Variants in PARD3B observed in about 807,000 individuals in gnomAD.
PARD3B encodes par-3 family cell polarity regulator beta.
In PARD3B, 103 loss-of-function variants were observed where a neutral mutation model predicts 130.2. The observed-to-expected ratio is 0.79, with a 90% confidence interval of 0.67 to 0.93. PARD3B has a LOEUF of 0.93. PARD3B is among the 40% of genes least tolerant of loss of function. The pLI, the probability that PARD3B is intolerant of heterozygous loss-of-function variation, is 0.00. For synonymous variants in PARD3B, 583 were observed against 553.2 expected, an observed-to-expected ratio of 1.05 and a Z score of -0.76; for missense variants, 1,609 against 1,499.2, an observed-to-expected ratio of 1.07 and a Z score of -1.21.
chr2:205,131,174 GA>G (rs1353169728), intron 10 of PARD3B, among the ~76,000 whole-genome samples: 1 of 152,030 alleles, frequency 6.6e-6, no homozygotes, highest in African/African-American at 2.4e-5. Context: ...GATACTTAAG[GA>G]AAAATGAATA....
chr2:205,491,999 G>T (rs1299289447), intron 20 of PARD3B, among the ~76,000 whole-genome samples: 1 of 152,146 alleles, frequency 6.6e-6, no homozygotes, highest in African/African-American at 2.4e-5. Flanking sequence ...ACCCTAACTT[G>T]CATGTTAACC....
intron 2 of PARD3B, among the ~76,000 whole-genome samples, chr2:204,766,965 C>CTTTTTTTTTTTTTTTTCTTTTTTT (rs68009060): frequency 8.7e-6 from 1 of 114,480 alleles, no homozygotes; most frequent in African/African-American, 3.4e-5. Flanking sequence ...TTTTCTTTTT[C>CTTTTTTTTTTTTTTTTCTTTTTTT]TTTTTTTTTT....
intron 19 of PARD3B, among the ~76,000 whole-genome samples, chr2:205,408,326 C>T (rs1352413753): frequency 6.6e-6 from 1 of 152,110 alleles, no homozygotes; most frequent in Non-Finnish European, 1.5e-5. Flanking sequence ...CATTCAGAAA[C>T]CATTTATAGT....
chr2:205,560,432 T>C (rs976515711), intron 22 of PARD3B, among the ~76,000 whole-genome samples: 1 of 151,132 alleles, frequency 6.6e-6, no homozygotes, highest in Non-Finnish European at 1.5e-5. Context: ...GTGTAATTGC[T>C]AGATGAACAT....
chr2:205,073,255 G>A (rs1700849077), intron 4 of PARD3B, among the ~76,000 whole-genome samples: 1 of 152,096 alleles, frequency 6.6e-6, no homozygotes, highest in Non-Finnish European at 1.5e-5. Flanking sequence ...GTAAACAGCA[G>A]TTTTCCTGTA....
intron 2 of PARD3B, among the ~76,000 whole-genome samples, chr2:204,842,748 A>G (rs1226147162): frequency 6.6e-6 from 1 of 152,100 alleles, no homozygotes; most frequent in East Asian, 1.9e-4. Context: ...TTGAAACCTG[A>G]CTTCTGATGA....
At chr2:205,456,073 C>CT (rs1162810226) in intron 20 of PARD3B, among the ~76,000 whole-genome samples, 1 of 151,996 alleles carries the variant, frequency 6.6e-6, no homozygotes, top group African/African-American at 2.4e-5. Flanking sequence ...AAGCATGTGG[C>CT]TTTTTTCACA....
At chr2:205,100,673 G>A (rs1702709375) in intron 4 of PARD3B, among the ~76,000 whole-genome samples, 1 of 151,916 alleles carries the variant, frequency 6.6e-6, no homozygotes, top group Non-Finnish European at 1.5e-5. Context: ...TTGAGGATCC[G>A]GAAATATACC....
chr2:205,429,328 A>T (rs529289924), intron 19 of PARD3B, among the ~76,000 whole-genome samples: 7 of 152,356 alleles, frequency 4.6e-5, no homozygotes, highest in Admixed American at 4.6e-4. Flanking sequence ...TTAAGCATTT[A>T]TTCAGATTTC....
chr2:205,571,444 C>G (rs930257656), intron 22 of PARD3B, among the ~76,000 whole-genome samples: 1 of 152,152 alleles, frequency 6.6e-6, no homozygotes. Flanking sequence ...TCAAGAAGGC[C>G]GGGGGTCAAG....
At chr2:205,340,917 A>G (rs369275214) in intron 18 of PARD3B, among the ~76,000 whole-genome samples, 2 of 152,066 alleles carry the variant, frequency 1.3e-5, no homozygotes, top group African/African-American at 2.4e-5. Context: ...CAAATATCCA[A>G]TTAAAATGTG....
chr2:204,824,324 T>C (rs183681962), intron 2 of PARD3B, among the ~76,000 whole-genome samples: 1 of 152,262 alleles, frequency 6.6e-6, no homozygotes, highest in East Asian at 1.9e-4. Context: ...CTGCAATAAA[T>C]AGGCTGGCTG....
chr2:204,924,976 C>G (rs1006037731), intron 2 of PARD3B, among the ~76,000 whole-genome samples: 8 of 150,346 alleles, frequency 5.3e-5, no homozygotes, highest in African/African-American at 1.9e-4. Context: ...CACACGCAAT[C>G]TGATATATAT....
Position 205,230,210 on chromosome 2 carries a change from G to A in PARD3B, c.2141-15568G>A, listed in dbSNP as rs1432761436. 1.3e-5 allele frequency among the ~76,000 whole-genome samples: 2 copies of A among 151,864 alleles called. No individual in the cohort carries two copies. Among genetic ancestry groups the A allele is most frequent in the African/African-American group, 4.8e-5 (2 of 41,326 alleles). Reference sequence around the variant, plus strand: ...TTTTCTCAAGCAGGAGACCCTCTCCGTAGCCACCATAGTTGGGAATGTGCT... The same window carrying A: ...TTTTCTCAAGCAGGAGACCCTCTCCATAGCCACCATAGTTGGGAATGTGCT... On this transcript the variant is annotated intron_variant, in intron 15 of 22. Transcript: ENST00000406610. The surrounding 1 kb of genome is among the most constrained non-coding windows in gnomAD (Gnocchi z 4.1).
intron 2 of PARD3B, among the ~76,000 whole-genome samples, chr2:204,709,183 G>A (rs961580204): frequency 9.2e-5 from 14 of 152,112 alleles, no homozygotes; most frequent in African/African-American, 3.1e-4. Flanking sequence ...AGGTAAAAAT[G>A]CTTGTATAGT....
intron 20 of PARD3B, among the ~76,000 whole-genome samples, chr2:205,441,684 G>T (rs1184904602): frequency 2.0e-5 from 3 of 152,150 alleles, no homozygotes; most frequent in Non-Finnish European, 4.4e-5. Context: ...CCAGCTGGGT[G>T]ATATTATGCA....
At chr2:205,557,316 C>G (rs1302809110) in intron 22 of PARD3B, among the ~76,000 whole-genome samples, 1 of 152,206 alleles carries the variant, frequency 6.6e-6, no homozygotes, top group Non-Finnish European at 1.5e-5. Flanking sequence ...GACTATCCCA[C>G]AGTGGCCATT....
chr2:205,185,905 T>G, intron 14 of PARD3B, 42 bp downstream of exon 14: 1 of 1,516,654 alleles, frequency 6.6e-7, no homozygotes, highest in Non-Finnish European at 9.2e-7. Context: ...CTTGTTATTG[T>G]TTTTCTGGGA....
At chr2:205,155,297 A>G (rs849128) in intron 10 of PARD3B, among the ~76,000 whole-genome samples, 2,299 of 152,260 alleles carry the variant, frequency 0.015, 69 homozygotes, top group African/African-American at 0.052. Flanking sequence ...CAGCGGCTCT[A>G]TAGCTGAGTC....
Sources: allele counts gnomAD v4.1 joint callset (sites outside exome capture counted in the v4.1 genomes callset), GRCh38; gene constraint gnomAD v4.1.1; non-coding constraint Gnocchi (gnomAD v3.1); transcripts MANE v1.5; gene names NCBI Gene and HGNC (gene_info 2026-07-23, HGNC 2026-07-21).